MYO5C: variants seen among roughly 807,000 people sequenced by gnomAD.
The protein encoded by MYO5C is unconventional myosin-Vc.
In MYO5C, 194 loss-of-function variants were observed where a neutral mutation model predicts 235.7. The ratio of observed to expected loss-of-function variants is 0.82; its 90% CI spans 0.73 to 0.93. The LOEUF (loss-of-function observed/expected upper bound fraction) is 0.93, where lower values mean the gene tolerates loss of function less well. Ranked by LOEUF, MYO5C falls within the 40% of genes least tolerant of loss-of-function variation. The pLI, the probability that MYO5C is intolerant of heterozygous loss-of-function variation, is 0.00. For missense variants in MYO5C, 2,038 were observed against 2,127.2 expected, an observed-to-expected ratio of 0.96 and a Z score of 0.82; for synonymous variants, 707 against 754.8, an observed-to-expected ratio of 0.94 and a Z score of 1.04.
chr15:52,211,080 G>A (rs530648775), intron 35 of MYO5C, among the ~76,000 whole-genome samples: 5 of 152,262 alleles, frequency 3.3e-5, no homozygotes, highest in East Asian at 1.9e-4. Context: ...TAAGGACACC[G>A]ACTTAGGGAA....
chr15:52,203,705 T>C (rs978288811), intron 38 of MYO5C, among the ~76,000 whole-genome samples: 4 of 152,212 alleles, frequency 2.6e-5, no homozygotes, highest in Non-Finnish European at 5.9e-5. Flanking sequence ...CCTGTTGTGC[T>C]ATCAAATAGT....
intron 1 of MYO5C, among the ~76,000 whole-genome samples, chr15:52,285,660 G>A (rs1221465836): frequency 6.6e-6 from 1 of 152,252 alleles, no homozygotes; most frequent in Non-Finnish European, 1.5e-5. Flanking sequence ...TGGTGGAGAC[G>A]GAGTTTCGCT....
At chr15:52,278,166 T>C (rs1269414127) in intron 4 of MYO5C, 3 of 340,428 alleles carry the variant, frequency 8.8e-6, no homozygotes, top group African/African-American at 6.5e-5. Flanking sequence ...TCTCCATACT[T>C]TACAGATGAA....
intron 9 of MYO5C, 67 bp downstream of exon 9, chr15:52,264,123 G>A (rs952903392): frequency 1.6e-6 from 2 of 1,251,252 alleles, no homozygotes; most frequent in Admixed American, 4.1e-5. Context: ...GCAAAGGCAG[G>A]TCAGCTGCGA....
chr15:52,268,745 A>T (rs1317825180), intron 8 of MYO5C, among the ~76,000 whole-genome samples: 1 of 152,118 alleles, frequency 6.6e-6, no homozygotes, highest in Admixed American at 6.6e-5. Context: ...GGCGAGAAGG[A>T]TTGGGAACAA....
chr15:52,286,812 G>A (rs1352469543), intron 1 of MYO5C, among the ~76,000 whole-genome samples: 7 of 151,774 alleles, frequency 4.6e-5, no homozygotes, highest in Non-Finnish European at 8.8e-5. Context: ...GAGGAAGGCC[G>A]CAGGGTCCTC....
chr15:52,253,460 G>A lies in MYO5C; in HGVS notation c.1396-3C>T. 6.2e-7 allele frequency: 1 copy of A among 1,611,106 alleles called. No homozygotes were observed. The highest frequency in any genetic ancestry group is 8.5e-7 in the Non-Finnish European group (1 of 1,179,048). ...TCTTGTTCCAGTTTGAAGACATGCT[G>A]GGAATCCAAAGTTAATACAGAAAGT... On this transcript the variant is annotated splice_polypyrimidine_tract_variant and splice_region_variant and intron_variant, in intron 11 of 40. Transcript: ENST00000261839.
chr15:52,295,053 G>A (rs1460159097), intron 1 of MYO5C, among the ~76,000 whole-genome samples: 1 of 152,202 alleles, frequency 6.6e-6, no homozygotes, highest in Non-Finnish European at 1.5e-5. Context: ...GCACGTTCAC[G>A]CACTTTGAAG....
chr15:52,212,856 T>C (rs2035477518), intron 34 of MYO5C, among the ~76,000 whole-genome samples: 1 of 152,162 alleles, frequency 6.6e-6, no homozygotes, highest in Non-Finnish European at 1.5e-5. Context: ...GTCCTACAAT[T>C]TGGAAAAGGT....
chr15:52,208,899 A>G (rs1270226899), intron 35 of MYO5C, among the ~76,000 whole-genome samples: 9 of 152,214 alleles, frequency 5.9e-5, no homozygotes, highest in Non-Finnish European at 1.0e-4. Context: ...GAGAAATGCA[A>G]GTTTCACTTC....
At chr15:52,215,035 T>C (rs1434448673) in intron 32 of MYO5C, among the ~76,000 whole-genome samples, 1 of 152,220 alleles carries the variant, frequency 6.6e-6, no homozygotes, top group Non-Finnish European at 1.5e-5. Context: ...GTTTTTTGTG[T>C]GTGTGTCTGG....
chr15:52,247,528 A>G lies in MYO5C; in HGVS notation c.1811T>C (p.Ile604Thr), dbSNP rs1485701066. Residue 604 changes from isoleucine to threonine, a missense_variant, in exon 15 of 41, where the codon ATT becomes ACT. Coordinates refer to ENST00000261839, the MANE Select transcript of MYO5C (RefSeq NM_018728.4). ...PTPPSPFGSM[I>T]TVKSAKQVIK... ...GACTTGCTTTGCAGATTTAACTGTAATCATTGAACCAAAAGGAGAAGGAGG... is the reference window on the plus strand; with the variant it reads ...GACTTGCTTTGCAGATTTAACTGTAGTCATTGAACCAAAAGGAGAAGGAGG... 1 of 1,614,200 alleles carries G rather than the reference A, an allele frequency of 6.2e-7. No homozygotes were observed. Among genetic ancestry groups the G allele is most frequent in the Admixed American group, 1.7e-5 (1 of 60,024 alleles).
chr15:52,259,729 T>C (rs2036652447), intron 10 of MYO5C, among the ~76,000 whole-genome samples: 1 of 152,274 alleles, frequency 6.6e-6, no homozygotes, highest in Non-Finnish European at 1.5e-5. Context: ...GCCATATGTA[T>C]TAACTTAGGA....
rs375735625 is a variant in MYO5C at position 52,265,384 on chromosome 15, C to CGGG, written c.941-1091_941-1089dup. 5.7e-3 allele frequency among the ~76,000 whole-genome samples: 874 copies of CGGG among 152,206 alleles called. 9 individuals carry two copies. The highest frequency in any genetic ancestry group is 0.02 in the African/African-American group (843 of 41,520). Reference sequence around the variant, plus strand: ...GACTTAAGCAGCTGAGAGATGCGCTCGGGCTGGCAGGCAGGCTCATTCACA... The same window carrying CGGG: ...GACTTAAGCAGCTGAGAGATGCGCTCGGGGGGCTGGCAGGCAGGCTCATTCACA... On this transcript the variant is annotated intron_variant, in intron 8 of 40. Transcript: ENST00000261839.
chr15:52,237,218 T>G, intron 22 of MYO5C: 1 of 307,250 alleles, frequency 3.3e-6, no homozygotes, highest in South Asian at 5.4e-5. Flanking sequence ...CCAGGGCTCT[T>G]TGGGCCTGTC....
chr15:52,295,484 G>C, intron 1 of MYO5C, 126 bp downstream of exon 1: 1 of 1,151,196 alleles, frequency 8.7e-7, no homozygotes, highest in Non-Finnish European at 1.1e-6. Context: ...CCCCCAGCGC[G>C]CGCCCGCCCG....
intron 30 of MYO5C, among the ~76,000 whole-genome samples, chr15:52,220,440 C>A (rs1240129127): frequency 6.6e-6 from 1 of 152,134 alleles, no homozygotes; most frequent in African/African-American, 2.4e-5. Flanking sequence ...TCAGCCATCA[C>A]CTCCCGGGCT....
rs2036298667 is a variant in MYO5C, at chr15:52,244,561, T to C, written c.2185A>G (p.Asn729Asp). 1 of 1,603,320 alleles carries C rather than the reference T, an allele frequency of 6.2e-7. No homozygotes were observed. The highest frequency in any genetic ancestry group is 8.5e-7 in the Non-Finnish European group (1 of 1,172,028). The change falls in exon 19 of 41, where the codon AAT becomes GAT. Residue 729 changes from asparagine to aspartate, a missense_variant. By Grantham distance (23) the Asn-to-Asp change is conservative (BLOSUM62 1). Transcript: ENST00000261839. ...TTGGTTTTACCAAACTGGTACTGATTAGAATCCTGGAAGAGAAAAATGATA... is the reference window on the plus strand; with the variant it reads ...TTGGTTTTACCAAACTGGTACTGATCAGAATCCTGGAAGAGAAAAATGATA... ...VVLHRLIQDSNQYQFGKTKIF... is the reference protein window; with the variant it reads ...VVLHRLIQDSDQYQFGKTKIF...
At chr15:52,269,036 A>G (rs2036867176) in intron 8 of MYO5C, among the ~76,000 whole-genome samples, 1 of 152,248 alleles carries the variant, frequency 6.6e-6, no homozygotes, top group Non-Finnish European at 1.5e-5. Context: ...GGTGCCCAGC[A>G]CATTGCAAGC....
Sources: allele counts gnomAD v4.1 joint callset (sites outside exome capture counted in the v4.1 genomes callset), GRCh38; gene constraint gnomAD v4.1.1; transcripts MANE v1.5; gene names NCBI Gene and HGNC (gene_info 2026-07-23, HGNC 2026-07-21).